The following IGSF21 variants were observed in gnomAD, a reference collection of about 807,000 sequenced individuals.
The protein encoded by IGSF21 is immunoglobin superfamily member 21, also known as immunoglobulin superfamily member 21.
In IGSF21, 28 loss-of-function variants were observed where a neutral mutation model predicts 46.8. That is an observed-to-expected ratio of 0.60 (90% CI 0.44 to 0.82). The LOEUF (loss-of-function observed/expected upper bound fraction) is 0.82. Ranked by LOEUF, IGSF21 falls within the 40% of genes least tolerant of loss-of-function variation. The pLI, the probability that IGSF21 is intolerant of heterozygous loss-of-function variation, is 0.00. For missense variants in IGSF21, 624 were observed against 665.5 expected, an observed-to-expected ratio of 0.94 and a Z score of 0.69; for synonymous variants, 284 against 273.6, an observed-to-expected ratio of 1.04 and a Z score of -0.38.
At chr1:18,147,967 G>A (rs889419562) in intron 1 of IGSF21, among the ~76,000 whole-genome samples, 1 of 151,940 alleles carries the variant, frequency 6.6e-6, no homozygotes, top group South Asian at 2.1e-4. Context: ...GCTTTATAAG[G>A]GGGTGTTTTC....
At chr1:18,357,178 AGAGATG>A (rs936206342) in intron 4 of IGSF21, among the ~76,000 whole-genome samples, 9 of 112,266 alleles carry the variant, frequency 8.0e-5, no homozygotes, top group Non-Finnish European at 1.6e-4. Context: ...AGATGGGGGA[AGAGATG>A]GAGATGGAGA....
chr1:18,309,842 C>T (rs937741140), intron 3 of IGSF21, among the ~76,000 whole-genome samples: 1 of 152,126 alleles, frequency 6.6e-6, no homozygotes. Context: ...TTAGGAGAGG[C>T]TAGCAGGGGA....
At chr1:18,326,820 G>A (rs111736068) in intron 3 of IGSF21, among the ~76,000 whole-genome samples, 3,721 of 152,248 alleles carry the variant, frequency 0.024, 92 homozygotes, top group African/African-American at 0.063. Flanking sequence ...GATGGAAGCT[G>A]CAGGAAGGGT....
chr1:18,317,602 ACC>A (rs1449808188), intron 3 of IGSF21, among the ~76,000 whole-genome samples: 2 of 152,172 alleles, frequency 1.3e-5, no homozygotes, highest in African/African-American at 4.8e-5. Context: ...TCTCTGGTGC[ACC>A]CAATGGCTCC....
chr1:18,117,915 A>G (rs537208593), intron 1 of IGSF21, among the ~76,000 whole-genome samples: 1 of 152,336 alleles, frequency 6.6e-6, no homozygotes, highest in East Asian at 1.9e-4. Flanking sequence ...TGCACTGAGC[A>G]TGATGTGGGG....
chr1:18,347,939 A>G (rs2085912174), intron 4 of IGSF21, among the ~76,000 whole-genome samples: 1 of 152,226 alleles, frequency 6.6e-6, no homozygotes, highest in South Asian at 2.1e-4. Flanking sequence ...CATCTCCCTC[A>G]AGGTAGCTAT....
chr1:18,257,991 C>T (rs541212778), intron 2 of IGSF21, among the ~76,000 whole-genome samples: 63 of 152,304 alleles, frequency 4.1e-4, no homozygotes, highest in African/African-American at 1.4e-3. Flanking sequence ...CCGCTGGCTG[C>T]TGAGTTATAT....
chr1:18,158,479 C>G (rs2086587392), intron 1 of IGSF21, among the ~76,000 whole-genome samples: 1 of 152,268 alleles, frequency 6.6e-6, no homozygotes, highest in Admixed American at 6.5e-5. Flanking sequence ...GACAGGACAT[C>G]TGAGTCACTT....
chr1:18,313,036 G>A lies in IGSF21; in HGVS notation c.305+21049G>A, dbSNP rs565314878. 1.1e-3 allele frequency among the ~76,000 whole-genome samples: 162 copies of A among 152,290 alleles called. 2 individuals carry two copies. In the South Asian group the frequency reaches 0.026, roughly 24 times the overall value. ...TGAGTTCCTGAAGGGCAAGAGCCCC[G>A]TTTTACTCATCCCTGTACCCCCACC... On this transcript the variant is annotated intron_variant, in intron 3 of 9. Transcript: ENST00000251296.
chr1:18,335,906 G>A lies in IGSF21; in HGVS notation c.424+896G>A, dbSNP rs1313973954. 1.3e-5 allele frequency among the ~76,000 whole-genome samples: 2 copies of A among 152,310 alleles called. No homozygotes were observed. Among genetic ancestry groups the A allele is most frequent in the South Asian group, 2.1e-4 (1 of 4,828 alleles). On this transcript the variant is annotated intron_variant, in intron 4 of 9. Coordinates refer to ENST00000251296, the MANE Select transcript of IGSF21 (RefSeq NM_032880.5). The surrounding 1 kb of genome is among the most constrained non-coding windows in gnomAD (Gnocchi z 4.8). ...TTCCCGATGGAGCCACAATGCAGGA[G>A]GTGGCATTGCCAGGAAAAGCCCCTC... is the stretch of plus-strand genomic sequence containing the variant.
At chr1:18,193,651 A>T (rs974427552) in intron 1 of IGSF21, among the ~76,000 whole-genome samples, 11 of 152,234 alleles carry the variant, frequency 7.2e-5, no homozygotes, top group Middle Eastern at 3.4e-3. Flanking sequence ...GTGCCCATCC[A>T]GATTAAGGGT....
chr1:18,338,884 G>C (rs935114953), intron 4 of IGSF21, among the ~76,000 whole-genome samples: 1 of 151,940 alleles, frequency 6.6e-6, no homozygotes, highest in Non-Finnish European at 1.5e-5. Flanking sequence ...AGGTTCTTCT[G>C]GGGGTGCAGG....
In IGSF21 at chr1:18,108,176, C is replaced by A; in HGVS notation, c.48C>A (p.Ala16=). 1 of 1,448,886 alleles carries A rather than the reference C, an allele frequency of 6.9e-7. No homozygotes were observed. Among genetic ancestry groups the A allele is most frequent in the Non-Finnish European group, 9.1e-7 (1 of 1,104,262 alleles). The allele number at this position is 1,448,886 out of a possible 1,614,324, so 89.8% of individuals were successfully genotyped here. The part of the protein sequence containing the change: ...SLRRCVCLLL[A]AILDLARGYL... ...GCCGCTGCGTCTGCCTGCTGCTCGC[C>A]GCGATCCTGGACCTGGCGCGCGGTG... The change falls in exon 1 of 10, where the codon GCC becomes GCA. Residue 16 remains alanine (A), a synonymous_variant. Transcript: ENST00000251296.
In IGSF21 at chr1:18,355,550, C is replaced by T. The variant is rs191046403; in HGVS notation, c.425-6565C>T. ...AGATGGGAAGCCACTTTACCTTTCCCGATGCTAGAAAAAATTATTCATGGA... is the reference window on the plus strand; with the variant it reads ...AGATGGGAAGCCACTTTACCTTTCCTGATGCTAGAAAAAATTATTCATGGA... On this transcript the variant is annotated intron_variant, in intron 4 of 9. Transcript: ENST00000251296. 6.8e-4 allele frequency among the ~76,000 whole-genome samples: 104 copies of T among 152,080 alleles called. 1 individual carries two copies. The highest frequency in any genetic ancestry group is 3.4e-3 in the Middle Eastern group (1 of 294).
intron 2 of IGSF21, among the ~76,000 whole-genome samples, chr1:18,278,391 C>A (rs974606886): frequency 6.6e-6 from 1 of 151,978 alleles, no homozygotes; most frequent in East Asian, 1.9e-4. Context: ...AGGCGCCCCC[C>A]CAACACACCT....
At chr1:18,235,382 G>A (rs1304658123) in intron 2 of IGSF21, among the ~76,000 whole-genome samples, 1 of 152,170 alleles carries the variant, frequency 6.6e-6, no homozygotes. Context: ...GAGTTAAAAA[G>A]ATAAACAAAT....
Position 18,334,051 on chromosome 1 carries a change from C to T in IGSF21, c.306-841C>T, listed in dbSNP as rs1317246050. Among the ~76,000 whole-genome samples the T allele has an allele frequency of 6.6e-6, 1 of 152,154 alleles. No homozygotes were observed. On this transcript the variant is annotated intron_variant, in intron 3 of 9. Transcript: ENST00000251296. This position sits in a 1 kb window ranked among gnomAD's most constrained non-coding sequence, Gnocchi z 4.3. ...GTGCTGCAAGGACAGGGTTGAATTG[C>T]AATTGTAAAGGGCAAGAAAGCCTAA...
intron 1 of IGSF21, among the ~76,000 whole-genome samples, chr1:18,135,909 C>G (rs1386766308): frequency 6.6e-6 from 1 of 152,208 alleles, no homozygotes; most frequent in Non-Finnish European, 1.5e-5. Context: ...TTCTCCACAT[C>G]CTCTCCAGCA....
chr1:18,126,420 G>A (rs1258099545), intron 1 of IGSF21, among the ~76,000 whole-genome samples: 1 of 152,152 alleles, frequency 6.6e-6, no homozygotes, highest in African/African-American at 2.4e-5. Context: ...GAGGATTAGA[G>A]AGGCCTTTGG....
Sources: allele counts gnomAD v4.1 joint callset (sites outside exome capture counted in the v4.1 genomes callset), GRCh38; gene constraint gnomAD v4.1.1; non-coding constraint Gnocchi (gnomAD v3.1); transcripts MANE v1.5; gene names NCBI Gene and HGNC (gene_info 2026-07-23, HGNC 2026-07-21).